HECTD4: variants seen among roughly 807,000 people sequenced by gnomAD.
HECTD4 encodes the protein probable E3 ubiquitin-protein ligase HECTD4.
HECTD4 carries 114 observed loss-of-function variants against 471.5 expected under a neutral mutation model. The ratio of observed to expected loss-of-function variants is 0.24; its 90% CI spans 0.21 to 0.28. HECTD4 has a LOEUF of 0.28. Among genes scored for constraint, HECTD4 ranks in the 10% least tolerant of loss-of-function variants. The probability of loss-of-function intolerance (pLI) is 1.00; values close to 1 mark genes in which losing one functional copy is unlikely to be tolerated. For synonymous variants in HECTD4, 2,012 were observed against 2,256.0 expected (o/e 0.89, Z 3.07); for missense variants, 3,866 against 5,651.5 (o/e 0.68, Z 10.13).
At chr12:112,215,632 G>A (rs536682145) in intron 48 of HECTD4, among the ~76,000 whole-genome samples, 13 of 152,204 alleles carry the variant, frequency 8.5e-5, no homozygotes, top group African/African-American at 2.9e-4. Flanking sequence ...CTACCAATAA[G>A]GCATTTCTCT....
At position 112,170,468 on chromosome 12, in the gene HECTD4, T is replaced by A; in HGVS notation, c.11933-16A>T. On this transcript the variant is annotated splice_polypyrimidine_tract_variant and intron_variant, in intron 68 of 75. Transcript: ENST00000682272. ...AAGATCAGCCCTAAGGAGAGGAACG[T>A]GGGAGAGGCTTGGGTGGGGCTTTGT... The A allele has an allele frequency of 6.2e-7, 1 of 1,613,302 alleles. No individual in the cohort carries two copies. Among genetic ancestry groups the A allele is most frequent in the Non-Finnish European group, 8.5e-7 (1 of 1,179,692 alleles).
chr12:112,306,376 A>G (rs1405577472), intron 6 of HECTD4, 142 bp from the exon 7 acceptor site: 3 of 657,540 alleles, frequency 4.6e-6, no homozygotes, highest in Non-Finnish European at 4.4e-6. Context: ...TTTATCTCTA[A>G]TAATAACATA....
At chr12:112,216,996 T>G (rs751034629) in intron 46 of HECTD4, 38 bp downstream of exon 46, 15 of 1,594,644 alleles carry the variant, frequency 9.4e-6, no homozygotes, top group Middle Eastern at 1.7e-4. Context: ...CTTTCAAATC[T>G]GAAGATGCAA....
intron 1 of HECTD4, among the ~76,000 whole-genome samples, chr12:112,361,529 C>T (rs2036449640): frequency 1.3e-5 from 2 of 152,148 alleles, no homozygotes; most frequent in Non-Finnish European, 2.9e-5. Flanking sequence ...CCACCTCAGC[C>T]TCCCAAATGC....
At chr12:112,295,501 A>AT (rs542721726) in intron 7 of HECTD4, among the ~76,000 whole-genome samples, 5,000 of 132,982 alleles carry the variant, frequency 0.038, 101 homozygotes, top group South Asian at 0.073. Context: ...GCTAATATTA[A>AT]TTTTTTTTTT....
At chr12:112,221,002 A>G (rs948305941) in intron 44 of HECTD4, among the ~76,000 whole-genome samples, 2 of 151,670 alleles carry the variant, frequency 1.3e-5, no homozygotes, top group Non-Finnish European at 2.9e-5. Flanking sequence ...CCCAGGCTGG[A>G]GTGCAATGGC....
rs192439920 is a variant in HECTD4, at chr12:112,233,994, G to A, written c.5916-909C>T. On this transcript the variant is annotated intron_variant, in intron 37 of 75. Transcript: ENST00000682272. ...AGATGAAAAATGATATATTACTATT[G>A]TTTTTATTCCTTTCCTTTAATTATT... Among the ~76,000 whole-genome samples, 16 of 151,992 alleles carry A rather than the reference G, an allele frequency of 1.1e-4. No homozygotes were observed. In the East Asian group the frequency reaches 2.9e-3, roughly 28 times the overall value.
rs777014921 is a variant in HECTD4, at chr12:112,243,971, C to G, written c.4552G>C (p.Ala1518Pro). 6.2e-7 allele frequency: 1 copy of G among 1,613,920 alleles called. No homozygotes were observed. Residue 1518 changes from alanine (A) to proline (P), a missense_variant, in exon 30 of 76, where the codon GCT (alanine) becomes CCT (proline). Physicochemically the swap from Ala to Pro is conservative, Grantham distance 27. Coordinates refer to ENST00000682272, the MANE Select transcript of HECTD4 (RefSeq NM_001388303.1). The surrounding 1 kb of genome is among the most constrained non-coding windows in gnomAD (Gnocchi z 6.6). The stretch of plus-strand genomic sequence containing the variant: ...CGAAGAAAAACAGGCTGCCTGACAG[C>G]GTGAGATATCACTTTTGTTTCAGAA... Reference protein sequence around the residue: ...SASETKVISHAVRQPVFLRSM... With the variant: ...SASETKVISHPVRQPVFLRSM...
intron 1 of HECTD4, among the ~76,000 whole-genome samples, chr12:112,326,111 G>A (rs1017038000): frequency 1.3e-5 from 2 of 152,132 alleles, no homozygotes; most frequent in Admixed American, 1.3e-4. Flanking sequence ...TTTAAACTAA[G>A]GAAACAGTCA....
chr12:112,312,224 G>T (rs1566107890), intron 4 of HECTD4, among the ~76,000 whole-genome samples: 1 of 152,036 alleles, frequency 6.6e-6, no homozygotes, highest in South Asian at 2.1e-4. Flanking sequence ...CTATTTCCTG[G>T]GTTTTTTTAA....
At chr12:112,224,587 T>G (rs2033184075) in intron 44 of HECTD4, among the ~76,000 whole-genome samples, 1 of 152,148 alleles carries the variant, frequency 6.6e-6, no homozygotes, top group Non-Finnish European at 1.5e-5. Context: ...CAACTTTACA[T>G]AGGATACTAT....
intron 2 of HECTD4, among the ~76,000 whole-genome samples, chr12:112,317,969 A>AG (rs1277784008): frequency 2.7e-5 from 4 of 150,156 alleles, no homozygotes; most frequent in African/African-American, 9.8e-5. Context: ...AAAAAAAAAA[A>AG]AAAAAAAAAA....
chr12:112,373,914 G>C (rs1174287685), intron 1 of HECTD4, among the ~76,000 whole-genome samples: 1 of 150,150 alleles, frequency 6.7e-6, no homozygotes, highest in African/African-American at 2.5e-5. Context: ...TGAGGCAGGA[G>C]AACCACTTGA....
At chr12:112,378,382 C>A (rs1265363152) in intron 1 of HECTD4, among the ~76,000 whole-genome samples, 2 of 142,636 alleles carry the variant, frequency 1.4e-5, no homozygotes, top group Non-Finnish European at 3.0e-5. Context: ...CCACGCCCGG[C>A]TAATTTTTTG....
At chr12:112,187,743 C>T (rs1327218451) in intron 60 of HECTD4, among the ~76,000 whole-genome samples, 1 of 150,334 alleles carries the variant, frequency 6.7e-6, no homozygotes, top group African/African-American at 2.4e-5. Context: ...TCTCTTGCCT[C>T]AGCCTCCCAA....
chr12:112,314,236 A>C (rs1281298276), intron 3 of HECTD4, among the ~76,000 whole-genome samples: 1 of 152,132 alleles, frequency 6.6e-6, no homozygotes, highest in Non-Finnish European at 1.5e-5. Flanking sequence ...TGCATTTTTA[A>C]AGACATAGAA....
At chr12:112,365,049 A>C (rs748791316) in intron 1 of HECTD4, among the ~76,000 whole-genome samples, 12 of 152,216 alleles carry the variant, frequency 7.9e-5, no homozygotes, top group Non-Finnish European at 1.8e-4. Flanking sequence ...GCTGGATATG[A>C]CCCTGAAAGC....
Position 112,239,467 on chromosome 12 carries a change from T to C in HECTD4, c.5106-231A>G, listed in dbSNP as rs770782577. ...TTATATACAGCAAAAATCGATGGAA[T>C]CAACTCAATGTTGCCATGATGGAAA... On this transcript the variant is annotated intron_variant, in intron 33 of 75. Coordinates refer to ENST00000682272, the MANE Select transcript of HECTD4 (RefSeq NM_001388303.1). This position sits in a 1 kb window ranked among gnomAD's most constrained non-coding sequence, Gnocchi z 4.9. 6.6e-6 allele frequency among the ~76,000 whole-genome samples: 1 copy of C among 152,196 alleles called. No homozygotes were observed. The highest frequency in any genetic ancestry group is 1.5e-5 in the Non-Finnish European group (1 of 68,034).
At chr12:112,165,866 G>A (rs1194619150) in intron 72 of HECTD4, among the ~76,000 whole-genome samples, 1 of 152,218 alleles carries the variant, frequency 6.6e-6, no homozygotes, top group African/African-American at 2.4e-5. Context: ...ACCCAAAGGA[G>A]ACTGACTGCA....
Sources: gnomAD v4.1 joint callset for allele counts (sites outside exome capture counted in the v4.1 genomes callset) on GRCh38, gnomAD v4.1.1 for gene constraint, Gnocchi (gnomAD v3.1) non-coding constraint, MANE v1.5 for transcripts, NCBI Gene and HGNC (gene_info 2026-07-23, HGNC 2026-07-21) for gene names.